Variants in VMA12 observed in about 807,000 individuals in gnomAD.
VMA12 encodes the protein vacuolar ATPase assembly protein VMA12.
At chr17:28,358,398 GTCATTTCTCC>G in the VMA12 span, 1 of 472,328 alleles carries the variant, frequency 2.1e-6, no homozygotes, top group East Asian at 6.9e-5. Context: ...CTTTGAAGGA[GTCATTTCTCC>G]TCGCTGGGCC....
At chr17:28,358,192 T>G in the VMA12 span, 2 of 426,650 alleles carry the variant, frequency 4.7e-6, no homozygotes, top group Middle Eastern at 4.4e-4. Context: ...TCTCTTCTTT[T>G]TCTCCACTTT....
the VMA12 span, chr17:28,359,248 A>G: frequency 6.5e-7 from 1 of 1,547,300 alleles, no homozygotes; most frequent in South Asian, 1.1e-5. Context: ...CCCTGGAACC[A>G]ATGATTGTGA....
chr17:28,362,629 C>G, the VMA12 span: 1 of 152,188 alleles, frequency 6.6e-6, no homozygotes, highest in Non-Finnish European at 1.5e-5. Context: ...AAAAGCCCAT[C>G]TCTACAAAAA....
the VMA12 span, chr17:28,358,615 G>A: frequency 4.1e-6 from 2 of 487,386 alleles, no homozygotes; most frequent in Admixed American, 5.1e-5. Flanking sequence ...ACTTATTTAG[G>A]GAAGAGCTGT....
At chr17:28,359,703 G>A in the VMA12 span, 6 of 192,484 alleles carry the variant, frequency 3.1e-5, no homozygotes, top group South Asian at 1.2e-4. Context: ...TCGGGAGTTC[G>A]TGACCAGCCT....
chr17:28,357,895 T>TA, the VMA12 span: 1 of 1,613,236 alleles, frequency 6.2e-7, no homozygotes, highest in Non-Finnish European at 8.5e-7. Context: ...AGCCCCAGTC[T>TA]CCAGTCCGGG....
the VMA12 span, chr17:28,357,676 G>C: frequency 6.2e-7 from 1 of 1,612,340 alleles, no homozygotes; most frequent in Non-Finnish European, 8.5e-7. Context: ...TAGATATGGC[G>C]TCCTCTTTGC....
the VMA12 span, chr17:28,359,456 C>T: frequency 2.0e-6 from 3 of 1,535,610 alleles, no homozygotes; most frequent in Non-Finnish European, 2.7e-6. Context: ...AGAGTAGGGC[C>T]CTGCAGTGGA....
chr17:28,361,213 C>G, the VMA12 span: 3 of 1,613,982 alleles, frequency 1.9e-6, no homozygotes, highest in East Asian at 6.7e-5. Context: ...AGCTGTATGT[C>G]ATGGTGCGGG....
chr17:28,360,885 G>T, the VMA12 span: 2 of 1,570,124 alleles, frequency 1.3e-6, no homozygotes, highest in Admixed American at 3.4e-5. Flanking sequence ...GCCCCTGGTG[G>T]GGGTGTTAGT....
chr17:28,361,223 G>T, the VMA12 span: 2 of 1,614,126 alleles, frequency 1.2e-6, no homozygotes, highest in Non-Finnish European at 1.7e-6. Context: ...CATGGTGCGG[G>T]CAATGGAAGG....
the VMA12 span, chr17:28,357,955 A>G: frequency 6.6e-7 from 1 of 1,510,128 alleles, no homozygotes; most frequent in Non-Finnish European, 9.1e-7. Flanking sequence ...TTTTCCCATC[A>G]TTCCCCTTCT....
chr17:28,361,351 C>A, the VMA12 span: 1 of 1,171,992 alleles, frequency 8.5e-7, no homozygotes, highest in African/African-American at 1.5e-5. Context: ...TTGTATTCAG[C>A]TCCAGTTAGT....
chr17:28,358,973 T>G, the VMA12 span: 1 of 1,612,796 alleles, frequency 6.2e-7, no homozygotes, highest in Non-Finnish European at 8.5e-7. Context: ...CTCCCAGAGG[T>G]TGTGAAGCCT....
At chr17:28,360,149 A>T in the VMA12 span, 1 of 186,986 alleles carries the variant, frequency 5.3e-6, no homozygotes, top group African/African-American at 2.4e-5. Flanking sequence ...TTGTATTTTT[A>T]GTAGAGACCA....
the VMA12 span, chr17:28,359,037 T>C: frequency 6.7e-7 from 1 of 1,483,878 alleles, no homozygotes; most frequent in South Asian, 1.2e-5. Context: ...TGAGTTGGGC[T>C]TATCCATGAT....
At chr17:28,360,946 C>A in the VMA12 span, 2 of 1,083,942 alleles carry the variant, frequency 1.8e-6, no homozygotes, top group Non-Finnish European at 1.4e-6. Context: ...AGGTATTGAA[C>A]AGATATTTAT....
chr17:28,361,057 TAGAG>T, the VMA12 span: 1 of 1,179,302 alleles, frequency 8.5e-7, no homozygotes, highest in Non-Finnish European at 1.2e-6. Context: ...TCCCCCAACT[TAGAG>T]GGTGGTTGGG....
chr17:28,360,665 G>A, the VMA12 span: 18 of 1,603,628 alleles, frequency 1.1e-5, no homozygotes, highest in Non-Finnish European at 1.5e-5. Flanking sequence ...GTTGGTGGGG[G>A]AGCCATGAGA....
Sources: allele counts gnomAD v4.1 joint callset, GRCh38; gene constraint gnomAD v4.1.1; transcripts MANE v1.5; gene names NCBI Gene and HGNC (gene_info 2026-07-23, HGNC 2026-07-21).